PTPRK: variants seen among roughly 807,000 people sequenced by gnomAD.
PTPRK encodes protein tyrosine phosphatase receptor type K.
A neutral mutation model predicts 178.0 loss-of-function variants in PTPRK; 75 were observed. That is an observed-to-expected ratio of 0.42 (90% CI 0.35 to 0.51). PTPRK has a LOEUF of 0.51. Among genes scored for constraint, PTPRK ranks in the 20% least tolerant of loss-of-function variants. PTPRK has a pLI of 0.02. For missense variants in PTPRK, 1,441 were observed against 1,797.8 expected (o/e 0.80, Z 3.59); for synonymous variants, 637 against 620.6 (o/e 1.03, Z -0.39).
intron 5 of PTPRK, among the ~76,000 whole-genome samples, chr6:128,232,478 T>C (rs752455014): frequency 5.3e-5 from 8 of 152,210 alleles, no homozygotes; most frequent in Non-Finnish European, 1.0e-4. Flanking sequence ...CTTGGACTAA[T>C]TGTAATTTTA....
rs558998382 is a variant in PTPRK at position 128,509,070 on chromosome 6, G to A, written c.100+11189C>T. ...CATGCTGTCTCACTCCGTCCTACCCGGGACATGAATCATCCCTTTGTCTAG... is the reference window on the plus strand; with the variant it reads ...CATGCTGTCTCACTCCGTCCTACCCAGGACATGAATCATCCCTTTGTCTAG... On this transcript the variant is annotated intron_variant, in intron 1 of 29. Transcript: ENST00000368226. Among the ~76,000 whole-genome samples the A allele has an allele frequency of 2.8e-4, 43 of 152,226 alleles. 1 individual carries two copies. In the South Asian group the frequency reaches 7.1e-3, roughly 25 times the overall value.
At chr6:128,449,832 A>G (rs942675700) in intron 1 of PTPRK, among the ~76,000 whole-genome samples, 1 of 152,132 alleles carries the variant, frequency 6.6e-6, no homozygotes, top group African/African-American at 2.4e-5. Flanking sequence ...GCGGTGGCTC[A>G]TGCCTGTAAT....
intron 13 of PTPRK, among the ~76,000 whole-genome samples, chr6:128,018,087 T>C (rs1356348239): frequency 6.6e-6 from 1 of 151,734 alleles, no homozygotes; most frequent in Non-Finnish European, 1.5e-5. Context: ...AAAAATTGTA[T>C]TGCAAATATT....
At chr6:128,403,854 T>C (rs908143857) in intron 1 of PTPRK, among the ~76,000 whole-genome samples, 1 of 152,174 alleles carries the variant, frequency 6.6e-6, no homozygotes, top group African/African-American at 2.4e-5. Context: ...GCAAACTTCA[T>C]GTACAAAAAG....
chr6:128,279,253 G>GT (rs1821303153), intron 3 of PTPRK, among the ~76,000 whole-genome samples: 1 of 150,790 alleles, frequency 6.6e-6, no homozygotes, highest in Admixed American at 6.6e-5. Context: ...TGTTTAGCAT[G>GT]TATGCCTGTT....
At position 127,969,420 on chromosome 6, in the gene PTPRK, T is replaced by C. The variant is rs1773670222; in HGVS notation, c.*807A>G. The C allele has an allele frequency of 6.6e-6, 1 of 152,184 alleles. No individual in the cohort carries two copies. Among genetic ancestry groups the C allele is most frequent in the Non-Finnish European group, 1.5e-5 (1 of 68,030 alleles). 9.4% of individuals were successfully genotyped at this position (152,184 alleles called of 1,614,324 possible). ...AAGCATGTACACAAGAGAATCACTATAAAGAACATTGCTTCCTGGTTTATG... is the reference window on the plus strand; with the variant it reads ...AAGCATGTACACAAGAGAATCACTACAAAGAACATTGCTTCCTGGTTTATG... On this transcript the variant is annotated 3_prime_UTR_variant, in exon 30 of 30. Coordinates refer to ENST00000368226, the MANE Select transcript of PTPRK (RefSeq NM_002844.4).
At chr6:128,159,087 G>A (rs1798329193) in intron 7 of PTPRK, among the ~76,000 whole-genome samples, 3 of 151,702 alleles carry the variant, frequency 2.0e-5, no homozygotes, top group Admixed American at 2.0e-4. Flanking sequence ...AATTAGTTTT[G>A]AGTGACAAGA....
intron 2 of PTPRK, among the ~76,000 whole-genome samples, chr6:128,395,599 T>C (rs1346434982): frequency 6.6e-6 from 1 of 151,908 alleles, no homozygotes; most frequent in African/African-American, 2.4e-5. Context: ...ATATGAAAAG[T>C]TTAGTCTAAA....
At chr6:128,393,335 C>T (rs924180337) in intron 2 of PTPRK, among the ~76,000 whole-genome samples, 10 of 152,050 alleles carry the variant, frequency 6.6e-5, no homozygotes, top group South Asian at 2.1e-4. Flanking sequence ...GTGATCCGCC[C>T]GCCTCGGTCT....
At chr6:128,000,586 A>C (rs1336912187) in intron 15 of PTPRK, among the ~76,000 whole-genome samples, 2 of 152,178 alleles carry the variant, frequency 1.3e-5, no homozygotes, top group East Asian at 3.9e-4. Context: ...ATGATTCATG[A>C]GAGTTTCCTG....
intron 1 of PTPRK, among the ~76,000 whole-genome samples, chr6:128,470,259 C>CATATATATATATATATATATAT (rs34303350): frequency 3.7e-4 from 55 of 147,872 alleles, no homozygotes; most frequent in African/African-American, 1.1e-3. Flanking sequence ...TCTCAGTTTT[C>CATATATATATATATATATATAT]ATATATATAT....
intron 7 of PTPRK, among the ~76,000 whole-genome samples, chr6:128,121,888 C>T (rs927425255): frequency 1.3e-5 from 2 of 151,914 alleles, no homozygotes; most frequent in Admixed American, 6.6e-5. Context: ...TGATTCTTGT[C>T]TAAAAAAATG....
chr6:128,239,940 C>A, intron 5 of PTPRK, 95 bp downstream of exon 5: 1 of 928,202 alleles, frequency 1.1e-6, no homozygotes, highest in Non-Finnish European at 1.7e-6. Flanking sequence ...CGCACACACA[C>A]ACACACTCAA....
chr6:128,273,874 G>GT (rs2128298807), intron 3 of PTPRK, among the ~76,000 whole-genome samples: 1 of 152,134 alleles, frequency 6.6e-6, no homozygotes, highest in South Asian at 2.1e-4. Flanking sequence ...AAATCAAACA[G>GT]TTAGTTGTTC....
At chr6:128,215,193 CAG>C (rs1388815919) in intron 6 of PTPRK, among the ~76,000 whole-genome samples, 5 of 152,120 alleles carry the variant, frequency 3.3e-5, no homozygotes, top group South Asian at 4.1e-4. Flanking sequence ...GTGTAGGAAT[CAG>C]AGAATTTTAT....
intron 2 of PTPRK, among the ~76,000 whole-genome samples, chr6:128,360,300 A>AC (rs1834552457): frequency 6.6e-6 from 1 of 152,190 alleles, no homozygotes; most frequent in Non-Finnish European, 1.5e-5. Flanking sequence ...AAACCTTGAC[A>AC]CATTATCATT....
At position 128,464,638 on chromosome 6, in the gene PTPRK, CATATATATATAT is replaced by C. The variant is rs10665667; in HGVS notation, c.100+55609_100+55620del. On this transcript the variant is annotated intron_variant, in intron 1 of 29. Transcript: ENST00000368226. ...ACATATACATATATATATATATACA[CATATATATATAT>C]ATATATATATATATATATATATATA... Among the ~76,000 whole-genome samples the C allele has an allele frequency of 4.6e-3, 224 of 48,608 alleles. 7 individuals are homozygous for C. Among genetic ancestry groups the C allele is most frequent in the Admixed American group, 0.023 (78 of 3,372 alleles). The allele number at this position is 48,608 out of a possible 152,430, so 31.9% of individuals were successfully genotyped here.
chr6:128,261,068 C>A (rs1184691214), intron 3 of PTPRK, among the ~76,000 whole-genome samples: 1 of 152,096 alleles, frequency 6.6e-6, no homozygotes, highest in African/African-American at 2.4e-5. Flanking sequence ...ATCTATCAAG[C>A]CTCTAAACTT....
chr6:127,997,048 T>C (rs372061259), intron 16 of PTPRK, 60 bp from the exon 17 acceptor site: 3 of 1,544,458 alleles, frequency 1.9e-6, no homozygotes, highest in African/African-American at 2.7e-5. Flanking sequence ...ATCAGGTTTA[T>C]CTGTTCTGAA....
Sources: allele counts gnomAD v4.1 joint callset (sites outside exome capture counted in the v4.1 genomes callset), GRCh38; gene constraint gnomAD v4.1.1; transcripts MANE v1.5; gene names NCBI Gene and HGNC (gene_info 2026-07-23, HGNC 2026-07-21).